The following EXOC4 variants were observed in gnomAD, a reference collection of about 807,000 sequenced individuals.
EXOC4 encodes exocyst complex component 4, also known as SEC8-like 1.
A neutral mutation model predicts 107.2 loss-of-function variants in EXOC4; 71 were observed. The observed-to-expected ratio is 0.66, with a 90% CI of 0.55 to 0.81. The LOEUF is 0.81. Ranked by LOEUF, EXOC4 falls within the 30% of genes least tolerant of loss-of-function variation. The pLI is 0.00. For synonymous variants in EXOC4, 456 were observed against 441.2 expected (o/e 1.03, Z -0.42); for missense variants, 1,108 against 1,189.6 (o/e 0.93, Z 1.01).
intron 7 of EXOC4, among the ~76,000 whole-genome samples, chr7:133,433,441 C>T (rs1797899435): frequency 6.6e-6 from 1 of 152,226 alleles, no homozygotes; most frequent in East Asian, 1.9e-4. Context: ...GAACATGCTT[C>T]TAGTAGCTGC....
intron 15 of EXOC4, among the ~76,000 whole-genome samples, chr7:133,998,376 G>A (rs769886748): frequency 6.6e-6 from 1 of 152,098 alleles, no homozygotes; most frequent in Non-Finnish European, 1.5e-5. Flanking sequence ...GGGCTGACTA[G>A]GAATGGGATT....
chr7:133,922,883 ATG>A (rs541534734), intron 13 of EXOC4, among the ~76,000 whole-genome samples: 2,333 of 151,262 alleles, frequency 0.015, 59 homozygotes, highest in African/African-American at 0.053. Flanking sequence ...GTGTGTTTCT[ATG>A]TGTGTGTGTG....
chr7:133,672,251 C>T (rs1319787182), intron 10 of EXOC4, among the ~76,000 whole-genome samples: 17 of 151,786 alleles, frequency 1.1e-4, no homozygotes, highest in Admixed American at 2.0e-4. Context: ...ATTAGCCGGG[C>T]GTGGTGGCGG....
At chr7:133,661,723 C>T (rs2151047171) in intron 10 of EXOC4, among the ~76,000 whole-genome samples, 1 of 139,828 alleles carries the variant, frequency 7.2e-6, no homozygotes, top group African/African-American at 2.6e-5. Context: ...TGATCACAGT[C>T]AGACTCTGTA....
intron 10 of EXOC4, among the ~76,000 whole-genome samples, chr7:133,699,297 C>T (rs1167458311): frequency 1.3e-5 from 2 of 152,070 alleles, no homozygotes; most frequent in African/African-American, 4.8e-5. Context: ...TGTTTTTTCC[C>T]CCAGTCTGTA....
chr7:133,391,262 A>T (rs1344244121), intron 7 of EXOC4, among the ~76,000 whole-genome samples: 1 of 152,226 alleles, frequency 6.6e-6, no homozygotes, highest in African/African-American at 2.4e-5. Flanking sequence ...GACGGCTGTC[A>T]CCAATTGAAC....
intron 11 of EXOC4, among the ~76,000 whole-genome samples, chr7:133,843,420 T>C (rs1016122875): frequency 2.0e-5 from 3 of 152,272 alleles, no homozygotes; most frequent in Admixed American, 2.0e-4. Context: ...TTGTATTCTT[T>C]TTGTGGCTAT....
chr7:133,738,128 T>C (rs1233988352), intron 10 of EXOC4, among the ~76,000 whole-genome samples: 1 of 151,932 alleles, frequency 6.6e-6, no homozygotes, highest in African/African-American at 2.4e-5. Context: ...GTCAGACTGG[T>C]CTCGGACCCC....
At chr7:134,038,387 T>A (rs1031512663) in intron 17 of EXOC4, among the ~76,000 whole-genome samples, 3 of 152,242 alleles carry the variant, frequency 2.0e-5, no homozygotes, top group Non-Finnish European at 4.4e-5. Context: ...GCTGTATTGA[T>A]ACTCTAGGCA....
intron 7 of EXOC4, among the ~76,000 whole-genome samples, chr7:133,473,899 A>G (rs999067135): frequency 2.0e-5 from 3 of 151,922 alleles, no homozygotes; most frequent in Non-Finnish European, 4.4e-5. Context: ...ACAGGGTTTC[A>G]CTGTGTTAGC....
chr7:134,007,719 G>A lies in EXOC4; in HGVS notation c.2571G>A (p.Gln857=), dbSNP rs1472647005. ...CCTGCATCCTCATTAATGGTGCCCA[G>A]TACTTCAGGCGCATCAGTGAGTCTG... The part of the protein sequence containing the change: ...LISCILINGA[Q]YFRRISESGI... Residue 857 remains glutamine, a synonymous_variant, in exon 17 of 18, where the codon CAG becomes CAA. Transcript: ENST00000253861. 6.2e-7 allele frequency: 1 copy of A among 1,613,546 alleles called. No individual in the cohort carries two copies. Among genetic ancestry groups the A allele is most frequent in the Non-Finnish European group, 8.5e-7 (1 of 1,179,716 alleles).
chr7:133,499,309 T>TAATA (rs1201884191), intron 9 of EXOC4, among the ~76,000 whole-genome samples: 1 of 152,182 alleles, frequency 6.6e-6, no homozygotes, highest in Admixed American at 6.5e-5. Flanking sequence ...AGTAAGCACC[T>TAATA]AATAAATAAT....
chr7:133,807,360 C>T (rs1317840730), intron 10 of EXOC4, among the ~76,000 whole-genome samples: 3 of 152,084 alleles, frequency 2.0e-5, no homozygotes, highest in South Asian at 2.1e-4. Flanking sequence ...ACGTGGTAAG[C>T]GCTCCATGGG....
chr7:134,078,868 T>C, the EXOC4 span, among the ~76,000 whole-genome samples: 1 of 152,240 alleles, frequency 6.6e-6, no homozygotes, highest in African/African-American at 2.4e-5. Context: ...CTTGCAGTTG[T>C]ATTAACTGTC....
At chr7:133,367,925 A>C (rs1266192714) in intron 6 of EXOC4, among the ~76,000 whole-genome samples, 1 of 152,108 alleles carries the variant, frequency 6.6e-6, no homozygotes, top group Non-Finnish European at 1.5e-5. Flanking sequence ...TTTCTTAGGG[A>C]TCTCCTCCAT....
chr7:133,658,131 A>C (rs1803345086), intron 10 of EXOC4, among the ~76,000 whole-genome samples: 1 of 152,134 alleles, frequency 6.6e-6, no homozygotes, highest in Admixed American at 6.6e-5. Context: ...GGATATGGAG[A>C]AGACCTTTTC....
At chr7:133,949,290 C>G (rs1276713123) in intron 14 of EXOC4, among the ~76,000 whole-genome samples, 1 of 152,148 alleles carries the variant, frequency 6.6e-6, no homozygotes, top group Non-Finnish European at 1.5e-5. Flanking sequence ...GTATAGGTCT[C>G]TAAGGCACAG....
intron 9 of EXOC4, among the ~76,000 whole-genome samples, chr7:133,529,076 C>G (rs1800132245): frequency 6.6e-6 from 1 of 152,116 alleles, no homozygotes; most frequent in Non-Finnish European, 1.5e-5. Context: ...TTCCTGAGAT[C>G]TAAAGTATCC....
At chr7:133,818,044 T>A (rs1797417075) in intron 11 of EXOC4, among the ~76,000 whole-genome samples, 1 of 152,200 alleles carries the variant, frequency 6.6e-6, no homozygotes, top group South Asian at 2.1e-4. Context: ...CACATGATGA[T>A]CTTGTTAGTA....
Sources: gnomAD v4.1 joint callset for allele counts (sites outside exome capture counted in the v4.1 genomes callset) on GRCh38, gnomAD v4.1.1 for gene constraint, MANE v1.5 for transcripts, NCBI Gene and HGNC (gene_info 2026-07-23, HGNC 2026-07-21) for gene names.